The following DYNC1I1 variants were observed in gnomAD, a reference collection of about 807,000 sequenced individuals.
DYNC1I1 encodes the protein dynein cytoplasmic 1 intermediate chain 1, also known as cytoplasmic dynein 1 intermediate chain 1.
In DYNC1I1, 43 loss-of-function variants were observed where a neutral mutation model predicts 86.6. The ratio of observed to expected loss-of-function variants is 0.50; its 90% confidence interval spans 0.39 to 0.64. DYNC1I1 has a LOEUF of 0.64. DYNC1I1 is among the 30% of genes least tolerant of loss of function. The pLI, the probability that DYNC1I1 is intolerant of heterozygous loss-of-function variation, is 0.00. For synonymous variants in DYNC1I1, 262 were observed against 283.7 expected (o/e 0.92, Z 0.77); for missense variants, 604 against 788.8 (o/e 0.77, Z 2.81).
intron 1 of DYNC1I1, among the ~76,000 whole-genome samples, chr7:95,787,246 G>A (rs1794172825): frequency 6.6e-6 from 1 of 152,208 alleles, no homozygotes; most frequent in Non-Finnish European, 1.5e-5. Flanking sequence ...GAACTCTGCT[G>A]AGAACTTGAG....
intron 14 of DYNC1I1, among the ~76,000 whole-genome samples, chr7:96,040,139 C>G (rs2116041909): frequency 6.6e-6 from 1 of 152,088 alleles, no homozygotes; most frequent in Non-Finnish European, 1.5e-5. Flanking sequence ...GAGGCTGAGG[C>G]AGGAGAATCA....
intron 14 of DYNC1I1, among the ~76,000 whole-genome samples, chr7:96,048,320 A>G (rs1300754252): frequency 6.6e-6 from 1 of 152,206 alleles, no homozygotes; most frequent in African/African-American, 2.4e-5. Context: ...TGACATTCAA[A>G]GCTGTCCACA....
intron 5 of DYNC1I1, among the ~76,000 whole-genome samples, chr7:95,854,878 A>C (rs1789675501): frequency 6.6e-6 from 1 of 152,202 alleles, no homozygotes; most frequent in Non-Finnish European, 1.5e-5. Flanking sequence ...GCTATAGCTC[A>C]GCATGCCACA....
intron 1 of DYNC1I1, among the ~76,000 whole-genome samples, chr7:95,785,006 G>A (rs1173529645): frequency 6.6e-6 from 1 of 152,148 alleles, no homozygotes; most frequent in Non-Finnish European, 1.5e-5. Context: ...TTTCCCATGG[G>A]ACTGTTTAAA....
At chr7:96,090,575 A>G (rs1216390773) in intron 16 of DYNC1I1, among the ~76,000 whole-genome samples, 2 of 152,142 alleles carry the variant, frequency 1.3e-5, no homozygotes, top group Non-Finnish European at 2.9e-5. Context: ...TAAAGATACA[A>G]GGGAAGAGAC....
intron 10 of DYNC1I1, among the ~76,000 whole-genome samples, chr7:96,013,498 A>C (rs1794328259): frequency 1.3e-5 from 2 of 152,212 alleles, no homozygotes; most frequent in East Asian, 3.9e-4. Flanking sequence ...TTACTCTGTC[A>C]CCCAGGCTGG....
chr7:95,790,075 T>C (rs1794253869), intron 1 of DYNC1I1, among the ~76,000 whole-genome samples: 1 of 152,172 alleles, frequency 6.6e-6, no homozygotes, highest in African/African-American at 2.4e-5. Flanking sequence ...TATCTTGTCT[T>C]GTGCTTGCTC....
At chr7:95,982,927 T>C (rs1429938197) in intron 7 of DYNC1I1, among the ~76,000 whole-genome samples, 1 of 152,208 alleles carries the variant, frequency 6.6e-6, no homozygotes, top group East Asian at 1.9e-4. Flanking sequence ...AGTAAATTGC[T>C]ACTTCATTAG....
chr7:95,982,676 G>A (rs1793486043), intron 7 of DYNC1I1, among the ~76,000 whole-genome samples: 1 of 152,114 alleles, frequency 6.6e-6, no homozygotes, highest in African/African-American at 2.4e-5. Flanking sequence ...TTTCAAGTGT[G>A]TCTCAAGTCA....
chr7:96,023,435 G>T (rs954636104), intron 10 of DYNC1I1, among the ~76,000 whole-genome samples: 1 of 152,162 alleles, frequency 6.6e-6, no homozygotes, highest in African/African-American at 2.4e-5. Context: ...AATGACCAAA[G>T]GTTGTTCACC....
intron 6 of DYNC1I1, among the ~76,000 whole-genome samples, chr7:95,905,313 G>C (rs1180688677): frequency 1.3e-5 from 2 of 152,172 alleles, no homozygotes; most frequent in Admixed American, 6.5e-5. Flanking sequence ...GAAACACTAA[G>C]GCAAGCCTTG....
At position 96,097,980 on chromosome 7, in the gene DYNC1I1, G is replaced by T. The variant is rs76455495; in HGVS notation, c.*387G>T. ...AGATATGATTGGGTGCAGATGTGGTGTTCCTCATATTATGGTACAGGGCCA... is the reference window on the plus strand; with the variant it reads ...AGATATGATTGGGTGCAGATGTGGTTTTCCTCATATTATGGTACAGGGCCA... On this transcript the variant is annotated 3_prime_UTR_variant, in exon 17 of 17. Transcript: ENST00000447467. The T allele has an allele frequency of 5.0e-4, 501 of 1,002,450 alleles. 4 individuals carry two copies. In the African/African-American group the frequency reaches 8.3e-3, roughly 17 times the overall value. The allele number at this position is 1,002,450 out of a possible 1,614,324, so 62.1% of individuals were successfully genotyped here.
intron 10 of DYNC1I1, among the ~76,000 whole-genome samples, chr7:96,008,739 C>A (rs1794201621): frequency 1.3e-5 from 2 of 152,078 alleles, no homozygotes; most frequent in Non-Finnish European, 2.9e-5. Flanking sequence ...AGAAAACTGA[C>A]TAAAGGTTAA....
chr7:95,783,908 A>T (rs1479235298), intron 1 of DYNC1I1, among the ~76,000 whole-genome samples: 1 of 152,174 alleles, frequency 6.6e-6, no homozygotes, highest in Non-Finnish European at 1.5e-5. Flanking sequence ...TCTACTTCCT[A>T]GTGTTGTGCT....
At chr7:96,107,867 A>G (rs1465185654) in intron 16 of DYNC1I1, among the ~76,000 whole-genome samples, 3 of 131,610 alleles carry the variant, frequency 2.3e-5, no homozygotes, top group Admixed American at 1.5e-4. Context: ...TTTCATTGAC[A>G]GGTTTTTTTT....
chr7:95,809,525 T>C (rs901416261), intron 2 of DYNC1I1, among the ~76,000 whole-genome samples: 1 of 152,198 alleles, frequency 6.6e-6, no homozygotes, highest in African/African-American at 2.4e-5. Context: ...AAATAACTTA[T>C]CTTAAGTAAT....
intron 6 of DYNC1I1, among the ~76,000 whole-genome samples, chr7:95,887,229 T>G (rs1169499362): frequency 1.3e-5 from 2 of 152,156 alleles, no homozygotes; most frequent in Non-Finnish European, 2.9e-5. Flanking sequence ...TTTGATGATC[T>G]GGGGTAGGGT....
At chr7:95,784,340 C>T (rs1794072661) in intron 1 of DYNC1I1, among the ~76,000 whole-genome samples, 1 of 152,134 alleles carries the variant, frequency 6.6e-6, no homozygotes. Flanking sequence ...AGGCATTCTG[C>T]TTGTTTGATT....
intron 5 of DYNC1I1, among the ~76,000 whole-genome samples, chr7:95,842,890 A>AT (rs60165321): frequency 3.3e-5 from 5 of 149,848 alleles, no homozygotes; most frequent in Admixed American, 6.6e-5. Flanking sequence ...GACATTGTGA[A>AT]TTTTTTTTTT....
Sources: gnomAD v4.1 joint callset for allele counts (sites outside exome capture counted in the v4.1 genomes callset) on GRCh38, gnomAD v4.1.1 for gene constraint, MANE v1.5 for transcripts, NCBI Gene and HGNC (gene_info 2026-07-23, HGNC 2026-07-21) for gene names.